Variants in QTMAN observed in about 807,000 individuals in gnomAD.
QTMAN encodes the protein queuosine-tRNA mannosyltransferase.
the QTMAN span, among the ~76,000 whole-genome samples, chr2:143,995,049 G>A: frequency 2.6e-5 from 4 of 151,990 alleles, no homozygotes; most frequent in Admixed American, 6.6e-5. Flanking sequence ...TGTTAAAAAC[G>A]GAAATAATTT....
the QTMAN span, among the ~76,000 whole-genome samples, chr2:144,312,384 A>T: frequency 1.3e-5 from 2 of 151,986 alleles, no homozygotes; most frequent in African/African-American, 4.8e-5. Context: ...GTCCCTTCAC[A>T]TGGCAAGCAG....
At chr2:144,200,109 A>G in the QTMAN span, among the ~76,000 whole-genome samples, 1,679 of 152,332 alleles carry the variant, frequency 0.011, 28 homozygotes, top group African/African-American at 0.037. Flanking sequence ...CTACAAACAC[A>G]AAGGCCTAAA....
chr2:144,056,611 G>A, the QTMAN span, among the ~76,000 whole-genome samples: 14 of 152,208 alleles, frequency 9.2e-5, no homozygotes, highest in African/African-American at 3.4e-4. Flanking sequence ...ATGGGATACA[G>A]TAAACACTCA....
At chr2:144,037,459 G>C in the QTMAN span, among the ~76,000 whole-genome samples, 1 of 152,164 alleles carries the variant, frequency 6.6e-6, no homozygotes, top group African/African-American at 2.4e-5. Context: ...GACTTGGGAG[G>C]AGGGATGTAC....
At chr2:144,180,896 A>G in the QTMAN span, among the ~76,000 whole-genome samples, 20 of 152,212 alleles carry the variant, frequency 1.3e-4, no homozygotes, top group African/African-American at 4.6e-4. Flanking sequence ...AGAAAACTAT[A>G]GTGATGTACT....
the QTMAN span, among the ~76,000 whole-genome samples, chr2:144,297,875 G>A: frequency 2.7e-3 from 405 of 150,122 alleles, no homozygotes; most frequent in African/African-American, 9.4e-3. Context: ...CCACAGTGCC[G>A]GGCTGGATTC....
the QTMAN span, among the ~76,000 whole-genome samples, chr2:144,037,582 C>T: frequency 6.6e-6 from 1 of 152,168 alleles, no homozygotes; most frequent in Non-Finnish European, 1.5e-5. Flanking sequence ...AATAAATAAC[C>T]TGAGAACGCT....
chr2:143,990,622 G>GC, the QTMAN span, among the ~76,000 whole-genome samples: 10 of 152,150 alleles, frequency 6.6e-5, no homozygotes, highest in Non-Finnish European at 1.5e-4. Context: ...TGGGCTGGTA[G>GC]CTTCCTTAAG....
chr2:144,055,576 GAA>G, the QTMAN span, among the ~76,000 whole-genome samples: 2 of 152,232 alleles, frequency 1.3e-5, no homozygotes, highest in African/African-American at 4.8e-5. Context: ...TGCAAAGAAG[GAA>G]AGAGGAGGCA....
the QTMAN span, among the ~76,000 whole-genome samples, chr2:143,987,915 TG>T: frequency 6.6e-6 from 1 of 152,094 alleles, no homozygotes; most frequent in Non-Finnish European, 1.5e-5. Context: ...ATCTGTGGGC[TG>T]GGAAAGGTGA....
At chr2:143,981,275 A>G in the QTMAN span, among the ~76,000 whole-genome samples, 1 of 152,220 alleles carries the variant, frequency 6.6e-6, no homozygotes, top group African/African-American at 2.4e-5. Context: ...ATAGCTGAAT[A>G]GAGACATTTA....
At chr2:144,037,055 T>C in the QTMAN span, among the ~76,000 whole-genome samples, 2 of 152,116 alleles carry the variant, frequency 1.3e-5, no homozygotes, top group African/African-American at 4.8e-5. Flanking sequence ...TTTATACGAA[T>C]ACATAAATCC....
At chr2:144,207,863 T>C in the QTMAN span, among the ~76,000 whole-genome samples, 7 of 152,000 alleles carry the variant, frequency 4.6e-5, no homozygotes, top group East Asian at 1.4e-3. Context: ...ATTATTATTG[T>C]TATTATTATT....
At chr2:144,004,165 AC>A in the QTMAN span, among the ~76,000 whole-genome samples, 3 of 150,984 alleles carry the variant, frequency 2.0e-5, no homozygotes, top group African/African-American at 7.3e-5. Flanking sequence ...TGTAAAGAAA[AC>A]CCCCCTTTTC....
the QTMAN span, among the ~76,000 whole-genome samples, chr2:144,222,301 C>T: frequency 2.6e-5 from 4 of 151,816 alleles, no homozygotes; most frequent in South Asian, 4.2e-4. Flanking sequence ...CCTCATGGTC[C>T]GCCTGCCTCG....
chr2:144,319,800 C>T, the QTMAN span: 1 of 152,090 alleles, frequency 6.6e-6, no homozygotes, highest in African/African-American at 2.4e-5. Flanking sequence ...TGTCTCATAG[C>T]TGAGAGATTT....
the QTMAN span, chr2:143,947,101 T>C: frequency 7.4e-5 from 120 of 1,614,006 alleles, 1 homozygote; most frequent in East Asian, 2.1e-3. Context: ...GAATTTACCA[T>C]GTAGGGCTGC....
At chr2:144,188,046 G>A in the QTMAN span, among the ~76,000 whole-genome samples, 2 of 152,202 alleles carry the variant, frequency 1.3e-5, no homozygotes, top group African/African-American at 4.8e-5. Flanking sequence ...AAAGAGGCAA[G>A]GAAGGATTCA....
At chr2:144,028,522 C>T in the QTMAN span, among the ~76,000 whole-genome samples, 8 of 152,250 alleles carry the variant, frequency 5.3e-5, no homozygotes, top group East Asian at 1.5e-3. Context: ...TTCCTACTGG[C>T]CTTACATTCC....
Sources: allele counts gnomAD v4.1 joint callset (sites outside exome capture counted in the v4.1 genomes callset), GRCh38; gene constraint gnomAD v4.1.1; transcripts MANE v1.5; gene names NCBI Gene and HGNC (gene_info 2026-07-23, HGNC 2026-07-21).